SOX6: variants seen among roughly 807,000 people sequenced by gnomAD.
SOX6 encodes the protein transcription factor SOX-6.
SOX6 carries 11 observed loss-of-function variants against 97.8 expected under a neutral mutation model. The ratio of observed to expected loss-of-function variants is 0.11; its 90% CI spans 0.07 to 0.19. The LOEUF is 0.19. Ranked by LOEUF, SOX6 falls within the 10% of genes least tolerant of loss-of-function variation. The pLI is 1.00. For missense variants in SOX6, 810 were observed against 1,039.5 expected, an observed-to-expected ratio of 0.78 and a Z score of 3.04; for synonymous variants, 360 against 371.4, an observed-to-expected ratio of 0.97 and a Z score of 0.35.
At chr11:16,629,197 G>C (rs1433024225) in intron 3 of SOX6, among the ~76,000 whole-genome samples, 3 of 152,166 alleles carry the variant, frequency 2.0e-5, no homozygotes, top group Admixed American at 6.5e-5. Context: ...AATGCTTTTA[G>C]TTTTTGCCAT....
intron 6 of SOX6, among the ~76,000 whole-genome samples, chr11:16,163,774 C>G (rs1016034443): frequency 6.6e-6 from 1 of 152,208 alleles, no homozygotes; most frequent in East Asian, 1.9e-4. Context: ...AGCAAGATAG[C>G]AACCTGCACT....
In SOX6 at chr11:16,097,792, C is replaced by A. The variant is rs1848837379; in HGVS notation, c.899-104G>T. 3 of 1,066,976 alleles carry A rather than the reference C, an allele frequency of 2.8e-6. No individual in the cohort carries two copies. The South Asian group carries it at 3.8e-5, about 14-fold the overall frequency. The allele number at this position is 1,066,976 out of a possible 1,614,324, so 66.1% of individuals were successfully genotyped here. A position where few individuals can be genotyped will look rare whatever the true frequency, so the allele number is the denominator to read the frequency against. On this transcript the variant is annotated intron_variant, in intron 7 of 15. Transcript: ENST00000683767. ...ATTGCCTGAGCTTTACAACATTGCT[C>A]TAAGCCCAAACATCTGCAGAAACAA... is the stretch of plus-strand genomic sequence containing the variant.
intron 3 of SOX6, among the ~76,000 whole-genome samples, chr11:16,262,863 T>C (rs1853944130): frequency 6.6e-6 from 1 of 151,964 alleles, no homozygotes; most frequent in Non-Finnish European, 1.5e-5. Context: ...AAAAGCAAAA[T>C]AGTTAGTGGC....
chr11:16,715,859 C>T (rs1848216279), intron 2 of SOX6, among the ~76,000 whole-genome samples: 1 of 152,142 alleles, frequency 6.6e-6, no homozygotes, highest in South Asian at 2.1e-4. Context: ...AAATCAACTG[C>T]TTTTCCCTGT....
intron 3 of SOX6, among the ~76,000 whole-genome samples, chr11:16,303,409 C>CA (rs1020608609): frequency 6.6e-6 from 1 of 152,106 alleles, no homozygotes; most frequent in East Asian, 1.9e-4. Flanking sequence ...TCATCTATGT[C>CA]AAAATCAGTT....
chr11:16,658,911 T>A (rs1280062093), intron 3 of SOX6, among the ~76,000 whole-genome samples: 2 of 152,048 alleles, frequency 1.3e-5, no homozygotes, highest in Non-Finnish European at 2.9e-5. Flanking sequence ...CTTCCTTTTT[T>A]AAAAAAAGAA....
chr11:16,540,851 G>A (rs1201207281), intron 4 of SOX6, among the ~76,000 whole-genome samples: 1 of 152,184 alleles, frequency 6.6e-6, no homozygotes, highest in Non-Finnish European at 1.5e-5. Flanking sequence ...AACACTCCAT[G>A]CTCATGGGTA....
chr11:16,345,842 AT>A (rs944124645), intron 1 of SOX6, among the ~76,000 whole-genome samples: 6 of 152,006 alleles, frequency 3.9e-5, no homozygotes, highest in African/African-American at 7.2e-5. Context: ...TCAAAATTAC[AT>A]TTTTTTATTA....
chr11:16,104,651 C>A (rs993750003), intron 7 of SOX6, among the ~76,000 whole-genome samples: 13 of 150,792 alleles, frequency 8.6e-5, no homozygotes, highest in African/African-American at 3.2e-4. Context: ...TACACACATA[C>A]ACACACACAC....
intron 6 of SOX6, among the ~76,000 whole-genome samples, chr11:16,168,309 TATA>T (rs1167460042): frequency 6.6e-6 from 1 of 152,106 alleles, no homozygotes; most frequent in African/African-American, 2.4e-5. Flanking sequence ...GAACAGGAAG[TATA>T]AAAATAGAGG....
At chr11:16,705,819 T>TA (rs1353273538) in intron 3 of SOX6, among the ~76,000 whole-genome samples, 1 of 151,620 alleles carries the variant, frequency 6.6e-6, no homozygotes, top group South Asian at 2.1e-4. Flanking sequence ...GGAAAATCAC[T>TA]AAAAAAATAA....
chr11:16,164,820 C>CAA (rs200369773), intron 6 of SOX6, among the ~76,000 whole-genome samples: 11 of 81,696 alleles, frequency 1.3e-4, no homozygotes, highest in Non-Finnish European at 1.8e-4. Flanking sequence ...GACTTGGTAT[C>CAA]AAAAAAAAAA....
Position 16,097,620 on chromosome 11 carries a change from A to C in SOX6, c.967T>G (p.Leu323Val), listed in dbSNP as rs953846562. 1 of 1,610,986 alleles carries C rather than the reference A, an allele frequency of 6.2e-7. No homozygotes were observed. The highest frequency in any genetic ancestry group is 8.5e-7 in the Non-Finnish European group (1 of 1,177,958). ...AAAAASGLSP[L>V]QLQKGHVSHP... ...CTTCTGGCACTTACCTGGAGCTGTA[A>C]AGGGCTGAGTCCAGAAGCAGCAGCA... Residue 323 changes from leucine to valine, a missense_variant, in exon 8 of 16, where the codon TTA becomes GTA. Leu to Val is a conservative substitution (Grantham distance 32). Coordinates refer to ENST00000683767, the MANE Select transcript of SOX6 (RefSeq NM_001367873.1).
intron 9 of SOX6, among the ~76,000 whole-genome samples, chr11:16,066,779 A>C (rs1471898321): frequency 6.6e-6 from 1 of 152,164 alleles, no homozygotes; most frequent in Non-Finnish European, 1.5e-5. Context: ...GGGGCAGGTA[A>C]GGATGGTTCA....
chr11:16,503,453 C>A (rs1435815310), intron 4 of SOX6, among the ~76,000 whole-genome samples: 3 of 152,082 alleles, frequency 2.0e-5, no homozygotes, highest in Non-Finnish European at 4.4e-5. Flanking sequence ...CAATAATAAC[C>A]TTTAATGTAA....
At chr11:16,481,611 G>A (rs1860344730) in intron 4 of SOX6, among the ~76,000 whole-genome samples, 1 of 152,062 alleles carries the variant, frequency 6.6e-6, no homozygotes, top group Non-Finnish European at 1.5e-5. Flanking sequence ...GGTATTGAGG[G>A]CCACACTTAG....
At chr11:16,587,256 C>G (rs1288064366) in intron 4 of SOX6, among the ~76,000 whole-genome samples, 1 of 152,264 alleles carries the variant, frequency 6.6e-6, no homozygotes. Context: ...TTGGTTCTGC[C>G]ATTTAATGGC....
At chr11:16,126,537 T>G (rs1392933424) in intron 6 of SOX6, among the ~76,000 whole-genome samples, 1 of 152,104 alleles carries the variant, frequency 6.6e-6, no homozygotes, top group Admixed American at 6.6e-5. Flanking sequence ...AGGTAGGAGA[T>G]TAAATCTACA....
At chr11:16,077,577 C>T (rs1436241810) in intron 9 of SOX6, among the ~76,000 whole-genome samples, 1 of 152,072 alleles carries the variant, frequency 6.6e-6, no homozygotes, top group East Asian at 1.9e-4. Flanking sequence ...TCATAGTAGA[C>T]TTGATAAAGA....
Sources: allele counts gnomAD v4.1 joint callset (sites outside exome capture counted in the v4.1 genomes callset), GRCh38; gene constraint gnomAD v4.1.1; transcripts MANE v1.5; gene names NCBI Gene and HGNC (gene_info 2026-07-23, HGNC 2026-07-21).